LRRC4C: variants seen among roughly 807,000 people sequenced by gnomAD.
LRRC4C encodes the protein leucine-rich repeat-containing protein 4C.
In LRRC4C, 5 loss-of-function variants were observed where a neutral mutation model predicts 33.6. That is an observed-to-expected ratio of 0.15 (90% CI 0.08 to 0.31). The LOEUF (loss-of-function observed/expected upper bound fraction) is 0.31, where lower values mean the gene tolerates loss of function less well. LRRC4C is among the 10% of genes least tolerant of loss of function. The pLI is 1.00. For synonymous variants in LRRC4C, 329 were observed against 302.0 expected (o/e 1.09, Z -0.93); for missense variants, 560 against 796.7 (o/e 0.70, Z 3.58).
intron 6 of LRRC4C, among the ~76,000 whole-genome samples, chr11:40,126,584 T>G (rs1000541296): frequency 6.6e-6 from 1 of 152,202 alleles, no homozygotes; most frequent in African/African-American, 2.4e-5. Context: ...GGTACTAGTG[T>G]AAATCAATAC....
chr11:40,141,294 T>C (rs1857348073), intron 5 of LRRC4C, among the ~76,000 whole-genome samples: 1 of 152,126 alleles, frequency 6.6e-6, no homozygotes, highest in Admixed American at 6.5e-5. Flanking sequence ...AAATTCTATT[T>C]GGGATTGCCC....
intron 1 of LRRC4C, among the ~76,000 whole-genome samples, chr11:41,238,360 C>G (rs1252496782): frequency 6.6e-6 from 1 of 152,034 alleles, no homozygotes; most frequent in African/African-American, 2.4e-5. Context: ...CTTTATTTGA[C>G]CTATATTTAA....
At chr11:41,407,693 G>T (rs1274842148) in intron 1 of LRRC4C, among the ~76,000 whole-genome samples, 1 of 152,140 alleles carries the variant, frequency 6.6e-6, no homozygotes, top group African/African-American at 2.4e-5. Flanking sequence ...AAACCATGTT[G>T]CTCAGGAGCT....
At chr11:41,235,542 T>C (rs1159266482) in intron 1 of LRRC4C, among the ~76,000 whole-genome samples, 1 of 152,124 alleles carries the variant, frequency 6.6e-6, no homozygotes, top group Non-Finnish European at 1.5e-5. Context: ...GAAATAGTCA[T>C]AGTCTCTCTC....
chr11:40,615,660 T>C (rs1488382536), intron 3 of LRRC4C, among the ~76,000 whole-genome samples: 3 of 151,742 alleles, frequency 2.0e-5, no homozygotes, highest in Non-Finnish European at 4.4e-5. Flanking sequence ...ATTTCTGTGA[T>C]TGACAGAATC....
chr11:40,642,120 A>C (rs1404081809), intron 3 of LRRC4C, among the ~76,000 whole-genome samples: 1 of 151,280 alleles, frequency 6.6e-6, no homozygotes, highest in African/African-American at 2.4e-5. Context: ...CAGTCTCTCT[A>C]TATGGTATAA....
intron 1 of LRRC4C, among the ~76,000 whole-genome samples, chr11:41,226,482 C>T (rs565055600): frequency 1.2e-4 from 18 of 152,206 alleles, no homozygotes; most frequent in South Asian, 4.2e-4. Context: ...AGCTAAGAGA[C>T]GTAAACTCCC....
rs1344722878 is a variant in LRRC4C, at chr11:40,808,349, C to T, written c.-407+125286G>A. ...CAGAAATACATGTTCTCCACCCCTACTTATTTATTAATGCTTTAAGCATTC... is the reference window on the plus strand; with the variant it reads ...CAGAAATACATGTTCTCCACCCCTATTTATTTATTAATGCTTTAAGCATTC... On this transcript the variant is annotated intron_variant, in intron 2 of 6. Transcript: ENST00000528697. Among the ~76,000 whole-genome samples, 11 of 152,082 alleles carry T rather than the reference C, an allele frequency of 7.2e-5. No homozygotes were observed. In the East Asian group the frequency reaches 9.6e-4, roughly 13 times the overall value.
intron 3 of LRRC4C, among the ~76,000 whole-genome samples, chr11:40,590,023 C>G (rs1366243459): frequency 1.3e-5 from 2 of 151,410 alleles, no homozygotes; most frequent in Non-Finnish European, 2.9e-5. Flanking sequence ...GAATGTTGAC[C>G]TGCCTTGCTA....
At chr11:41,219,723 C>T (rs1432124513) in intron 1 of LRRC4C, among the ~76,000 whole-genome samples, 2 of 152,210 alleles carry the variant, frequency 1.3e-5, no homozygotes, top group East Asian at 1.9e-4. Context: ...GCTCCCTCTG[C>T]TCAATCACGT....
chr11:41,367,746 G>T (rs1298648670), intron 1 of LRRC4C, among the ~76,000 whole-genome samples: 1 of 151,974 alleles, frequency 6.6e-6, no homozygotes, highest in Non-Finnish European at 1.5e-5. Context: ...TCAGCAACTT[G>T]GCTTCCATTT....
intron 3 of LRRC4C, among the ~76,000 whole-genome samples, chr11:40,620,570 G>A (rs1962355258): frequency 6.6e-6 from 1 of 151,672 alleles, no homozygotes. Context: ...CCTTTATTGT[G>A]GAACATGAAA....
intron 2 of LRRC4C, among the ~76,000 whole-genome samples, chr11:40,858,687 C>T (rs1035204566): frequency 2.4e-5 from 3 of 126,164 alleles, no homozygotes; most frequent in Admixed American, 8.3e-5. Flanking sequence ...AGTGAGACTC[C>T]TTCTTAAAAA....
At chr11:40,344,748 C>T (rs1947043325) in intron 3 of LRRC4C, among the ~76,000 whole-genome samples, 2 of 152,046 alleles carry the variant, frequency 1.3e-5, no homozygotes, top group South Asian at 4.1e-4. Context: ...TCTATACTTA[C>T]AAATCCCCAT....
chr11:40,388,812 G>A (rs1351298089), intron 3 of LRRC4C, among the ~76,000 whole-genome samples: 1 of 152,164 alleles, frequency 6.6e-6, no homozygotes, highest in African/African-American at 2.4e-5. Flanking sequence ...TCTCATCTCT[G>A]TGTTTTTGTC....
chr11:40,670,301 T>A (rs1219491969), intron 2 of LRRC4C, among the ~76,000 whole-genome samples: 1 of 152,136 alleles, frequency 6.6e-6, no homozygotes. Flanking sequence ...AAAATTACTC[T>A]CCCTCTTGGG....
chr11:41,448,395 T>G, intron 1 of LRRC4C, among the ~76,000 whole-genome samples: 1 of 140,648 alleles, frequency 7.1e-6, no homozygotes, highest in Non-Finnish European at 1.5e-5. Context: ...AACCTCCACC[T>G]CCCAGGTTCA....
At chr11:41,224,339 C>A (rs1947435553) in intron 1 of LRRC4C, among the ~76,000 whole-genome samples, 2 of 152,076 alleles carry the variant, frequency 1.3e-5, no homozygotes, top group South Asian at 4.1e-4. Context: ...GCATCTATAC[C>A]ATTCACTCAT....
intron 2 of LRRC4C, among the ~76,000 whole-genome samples, chr11:40,874,550 T>A (rs1954796544): frequency 6.6e-6 from 1 of 152,078 alleles, no homozygotes; most frequent in Non-Finnish European, 1.5e-5. Context: ...ATTCTTCACA[T>A]CACTTTTTTT....
Sources: gnomAD v4.1 joint callset for allele counts (sites outside exome capture counted in the v4.1 genomes callset) on GRCh38, gnomAD v4.1.1 for gene constraint, MANE v1.5 for transcripts, NCBI Gene and HGNC (gene_info 2026-07-23, HGNC 2026-07-21) for gene names.